The following LFNG variants were observed in gnomAD, a reference collection of about 807,000 sequenced individuals.
LFNG encodes beta-1,3-N-acetylglucosaminyltransferase lunatic fringe.
LFNG carries 15 observed loss-of-function variants against 32.7 expected under a neutral mutation model. The ratio of observed to expected loss-of-function variants is 0.46; its 90% CI spans 0.31 to 0.71. The LOEUF (loss-of-function observed/expected upper bound fraction) is 0.71. Ranked by LOEUF, LFNG falls within the 30% of genes least tolerant of loss-of-function variation. The probability of loss-of-function intolerance (pLI) is 0.06; values close to 1 mark genes in which losing one functional copy is unlikely to be tolerated. For synonymous variants in LFNG, 274 were observed against 246.8 expected (o/e 1.11, Z -1.03); for missense variants, 520 against 545.7 (o/e 0.95, Z 0.47).
chr7:2,522,213 G>A (rs1237252135), intron 1 of LFNG, among the ~76,000 whole-genome samples: 3 of 152,212 alleles, frequency 2.0e-5, no homozygotes, highest in African/African-American at 7.2e-5. Context: ...GGAGGGAGGA[G>A]GGAAGACTTC....
chr7:2,522,441 C>T (rs919528793), intron 1 of LFNG, among the ~76,000 whole-genome samples: 3 of 152,198 alleles, frequency 2.0e-5, no homozygotes, highest in African/African-American at 4.8e-5. Flanking sequence ...AGAGGTTCCC[C>T]GCCCCTCCCA....
rs1349678585 is a variant in LFNG, at chr7:2,525,540, C to T, written c.708C>T (p.Ala236=). 1 of 1,612,500 alleles carries T rather than the reference C, an allele frequency of 6.2e-7. No individual in the cohort carries two copies. The highest frequency in any genetic ancestry group is 1.1e-5 in the South Asian group (1 of 91,056). The part of the protein sequence containing the change: ...GKPSLDRPIQ[A]MERVSENKVR... Reference sequence around the variant, plus strand: ...CCAGCCTGGACAGGCCCATCCAGGCCATGGAGCGGGTCAGCGAGAACAAGG... The same window carrying T: ...CCAGCCTGGACAGGCCCATCCAGGCTATGGAGCGGGTCAGCGAGAACAAGG... The change falls in exon 4 of 8, where the codon GCC becomes GCT. Residue 236 remains alanine (A), a synonymous_variant. Transcript: ENST00000222725.
upstream of LFNG, among the ~76,000 whole-genome samples, chr7:2,514,633 T>C (rs996693358): frequency 6.6e-6 from 1 of 151,976 alleles, no homozygotes; most frequent in Non-Finnish European, 1.5e-5. Context: ...CATCCATCCA[T>C]TCATCCATGC....
At chr7:2,529,023 G>GCCCCAGGCCCCGAC (rs1554291473), downstream of LFNG, 11 of 440,542 alleles carry the variant, frequency 2.5e-5, no homozygotes, top group Admixed American at 4.6e-4. This position sits in a 1 kb window ranked among gnomAD's most constrained non-coding sequence, Gnocchi z 4.2. Context: ...CTGTGATGTG[G>GCCCCAGGCCCCGAC]CCCCAGGCCC....
Position 2,528,285 on chromosome 7 carries a change from C to T in LFNG, c.*1073C>T. On this transcript the variant is annotated 3_prime_UTR_variant, in exon 8 of 8. Transcript: ENST00000222725. ...GCTGGGCCCAGCATGGCTCACCTGT[C>T]CCGTGGGCTGTGTTTCTTGTTGTTT... is the stretch of plus-strand genomic sequence containing the variant. 1 of 986,158 alleles carries T rather than the reference C, an allele frequency of 1.0e-6. No homozygotes were observed. Among genetic ancestry groups the T allele is most frequent in the Non-Finnish European group, 1.2e-6 (1 of 830,028 alleles). The allele number at this position is 986,158 out of a possible 1,614,324, so 61.1% of individuals were successfully genotyped here.
downstream of LFNG, chr7:2,528,908 A>G: frequency 1.9e-6 from 1 of 532,724 alleles, no homozygotes; most frequent in South Asian, 2.4e-5. Flanking sequence ...GCTGATGCCC[A>G]AGGTCCAGCA....
chr7:2,522,506 C>T (rs1779820911), intron 1 of LFNG, among the ~76,000 whole-genome samples: 1 of 152,234 alleles, frequency 6.6e-6, no homozygotes, highest in Non-Finnish European at 1.5e-5. Context: ...CTGGGGAGAA[C>T]TTGGCATCCT....
At chr7:2,522,070 T>TC (rs1362135381) in intron 1 of LFNG, among the ~76,000 whole-genome samples, 1 of 152,040 alleles carries the variant, frequency 6.6e-6, no homozygotes, top group Non-Finnish European at 1.5e-5. Context: ...GGCCCCCCTC[T>TC]CCCAGCCCTG....
At chr7:2,513,178 G>A (rs1192338535), upstream of LFNG, 4 of 1,613,828 alleles carry the variant, frequency 2.5e-6, no homozygotes, top group Non-Finnish European at 3.4e-6. Context: ...TCTGGGCATG[G>A]AGCAAATGCT....
chr7:2,515,712 A>T (rs79443293), upstream of LFNG, among the ~76,000 whole-genome samples: 374 of 152,358 alleles, frequency 2.5e-3, 1 homozygote, highest in African/African-American at 8.7e-3. Flanking sequence ...TATCCCTATT[A>T]CAGAGTCAAG....
intron 2 of LFNG, 146 bp downstream of exon 2, chr7:2,524,889 C>A: frequency 1.3e-6 from 1 of 748,360 alleles, no homozygotes; most frequent in Non-Finnish European, 2.3e-6. Context: ...TGCTCCATGC[C>A]CCGCCCCACC....
chr7:2,514,747 CATCCATCCATG>C (rs1779571985), upstream of LFNG, among the ~76,000 whole-genome samples: 1 of 151,546 alleles, frequency 6.6e-6, no homozygotes. Flanking sequence ...TCCATCCATT[CATCCATCCATG>C]CATCCATCTG....
chr7:2,525,203 G>T lies in LFNG; in HGVS notation c.482-16G>T. 1 of 1,610,142 alleles carries T rather than the reference G, an allele frequency of 6.2e-7. No homozygotes were observed. The highest frequency in any genetic ancestry group is 1.1e-5 in the South Asian group (1 of 90,960). On this transcript the variant is annotated splice_polypyrimidine_tract_variant and intron_variant, in intron 2 of 7. Coordinates refer to ENST00000222725, the MANE Select transcript of LFNG (RefSeq NM_001040167.2). ...AGCCGGCTCAGACCTACTCACAGCC[G>T]CTCCCCTGTCCACAGGCAACGTGGT... is the stretch of plus-strand genomic sequence containing the variant.
exon 1 of LFNG, chr7:2,512,633 C>G (rs1186589880): frequency 1.2e-6 from 2 of 1,613,274 alleles, no homozygotes; most frequent in East Asian, 4.5e-5. Flanking sequence ...TCCCTGGCCA[C>G]AAGGACCCAA....
rs377387325 is a variant in LFNG, at chr7:2,525,493, C to T, written c.661C>T (p.Arg221Trp). 2.0e-5 allele frequency: 32 copies of T among 1,612,282 alleles called. No homozygotes were observed. Among genetic ancestry groups the T allele is most frequent in the African/African-American group, 1.1e-4 (8 of 74,948 alleles). ...GCTGCTGGCCAGCTACCCGCACACG[C>T]GGGACGTCTACGTCGGCAAGCCCAG... is the stretch of plus-strand genomic sequence containing the variant. ...LRLLASYPHT[R>W]DVYVGKPSLD... Residue 221 changes from arginine to tryptophan, a missense_variant, in exon 4 of 8, where the codon CGG (arginine) becomes TGG (tryptophan). By Grantham distance (101) the Arg-to-Trp change is moderately radical (BLOSUM62 -3). Coordinates refer to ENST00000222725, the MANE Select transcript of LFNG (RefSeq NM_001040167.2).
chr7:2,519,613 C>T (rs1245635449), upstream of LFNG, among the ~76,000 whole-genome samples: 1 of 150,030 alleles, frequency 6.7e-6, no homozygotes. Context: ...CCGCTGCGCC[C>T]TCTGGGCAGT....
At chr7:2,513,687 G>A (rs1210993072), upstream of LFNG, among the ~76,000 whole-genome samples, 2 of 152,216 alleles carry the variant, frequency 1.3e-5, no homozygotes, top group African/African-American at 4.8e-5. Flanking sequence ...TGCTGTGGCT[G>A]CCACACAAGC....
chr7:2,527,291 C>A lies in LFNG; in HGVS notation c.*79C>A. 3 of 1,577,422 alleles carry A rather than the reference C, an allele frequency of 1.9e-6. No individual in the cohort carries two copies. The highest frequency in any genetic ancestry group is 2.6e-6 in the Non-Finnish European group (3 of 1,168,366). On this transcript the variant is annotated 3_prime_UTR_variant, in exon 8 of 8. Transcript: ENST00000222725. This position sits in a 1 kb window ranked among gnomAD's most constrained non-coding sequence, Gnocchi z 4.4. The stretch of plus-strand genomic sequence containing the variant: ...GGACCCTGTTGCGCTGCCCTGGCCT[C>A]GGCATTCGAGGCTCCCCTAGGGCCG...
chr7:2,524,624 T>A, intron 1 of LFNG, 71 bp from the exon 2 acceptor site: 2 of 1,446,644 alleles, frequency 1.4e-6, no homozygotes, highest in Admixed American at 3.9e-5. Context: ...GGGCGCCCCG[T>A]CCGGCCCCCA....
Sources: allele counts gnomAD v4.1 joint callset (sites outside exome capture counted in the v4.1 genomes callset), GRCh38; gene constraint gnomAD v4.1.1; non-coding constraint Gnocchi (gnomAD v3.1); transcripts MANE v1.5; gene names NCBI Gene and HGNC (gene_info 2026-07-23, HGNC 2026-07-21).